Variants in MTERF4 observed in about 807,000 individuals in gnomAD.
The protein encoded by MTERF4 is transcription termination factor 4, mitochondrial.
A neutral mutation model predicts 22.5 loss-of-function variants in MTERF4; 17 were observed. That is an observed-to-expected ratio of 0.75 (90% CI 0.52 to 1.13). MTERF4 has a LOEUF of 1.13. Ranked by LOEUF, MTERF4 falls within the 50% of genes most tolerant of loss-of-function variation. MTERF4 has a pLI of 0.00. For missense variants in MTERF4, 420 were observed against 466.8 expected (o/e 0.90, Z 0.92); for synonymous variants, 165 against 175.3 (o/e 0.94, Z 0.47).
At chr2:241,056,839 C>T in the MTERF4 span, among the ~76,000 whole-genome samples, 1 of 151,952 alleles carries the variant, frequency 6.6e-6, no homozygotes, top group African/African-American at 2.4e-5. Flanking sequence ...CCTCAGCCTC[C>T]CACAGTGCTG....
chr2:241,047,035 C>T, the MTERF4 span, among the ~76,000 whole-genome samples: 1 of 150,706 alleles, frequency 6.6e-6, no homozygotes, highest in Non-Finnish European at 1.5e-5. Context: ...CCCAGCTACT[C>T]GGGAAGCTGA....
the MTERF4 span, chr2:241,063,861 C>T: frequency 8.6e-6 from 5 of 582,400 alleles, no homozygotes; most frequent in Non-Finnish European, 1.5e-5. Flanking sequence ...GGTGAGGGTG[C>T]TGGGGAGGGC....
At chr2:241,074,460 T>C (rs1419720802) in exon 5 of MTERF4, 1 of 152,108 alleles carries the variant, frequency 6.6e-6, no homozygotes, top group Non-Finnish European at 1.5e-5. Context: ...AACAAACATT[T>C]CATCAGATGA....
the MTERF4 span, among the ~76,000 whole-genome samples, chr2:241,061,568 A>G: frequency 3.9e-5 from 6 of 152,206 alleles, no homozygotes; most frequent in Non-Finnish European, 7.3e-5. Flanking sequence ...ATGGGAAAGA[A>G]TATACACAGC....
At chr2:241,078,255 C>G (rs370938655) in intron 4 of MTERF4, among the ~76,000 whole-genome samples, 1 of 151,552 alleles carries the variant, frequency 6.6e-6, no homozygotes, top group East Asian at 1.9e-4. Flanking sequence ...TGGTGGCGGG[C>G]GCCTGTAGTC....
chr2:241,048,502 T>C, the MTERF4 span: 1 of 1,540,996 alleles, frequency 6.5e-7, no homozygotes, highest in East Asian at 2.3e-5. Flanking sequence ...GGGAGGGCCT[T>C]CCTGTGGGTG....
chr2:241,088,423 C>T (rs758780251), downstream of MTERF4: 2 of 1,600,758 alleles, frequency 1.2e-6, no homozygotes, highest in South Asian at 1.1e-5. Context: ...GCTGCTCCCG[C>T]CCCACTACCA....
At chr2:241,053,079 C>G in the MTERF4 span, 1 of 1,428,590 alleles carries the variant, frequency 7.0e-7, no homozygotes, top group Non-Finnish European at 9.5e-7. Context: ...GCAGTCGGGT[C>G]GGGCAGAGGC....
At chr2:241,069,452 G>A (rs536325056), downstream of MTERF4, among the ~76,000 whole-genome samples, 8 of 152,268 alleles carry the variant, frequency 5.3e-5, no homozygotes, top group East Asian at 5.8e-4. The surrounding 1 kb of genome is among the most constrained non-coding windows in gnomAD (Gnocchi z 4.9). Context: ...GACAGTCAGC[G>A]CGCAGGGGAG....
chr2:241,057,305 GGA>G, the MTERF4 span, among the ~76,000 whole-genome samples: 2 of 150,720 alleles, frequency 1.3e-5, no homozygotes, highest in African/African-American at 4.9e-5. Flanking sequence ...CTTGAACCTC[GGA>G]GGCGGAGGTT....
the MTERF4 span, among the ~76,000 whole-genome samples, chr2:241,066,513 C>T: frequency 6.6e-6 from 1 of 152,196 alleles, no homozygotes; most frequent in Non-Finnish European, 1.5e-5. Flanking sequence ...ATGGGACTCT[C>T]ACCCAACATG....
At chr2:241,052,160 A>G in the MTERF4 span, 3 of 1,611,332 alleles carry the variant, frequency 1.9e-6, no homozygotes, top group East Asian at 4.5e-5. Flanking sequence ...CGAGATAGGT[A>G]AGGTGGGTGG....
chr2:241,069,948 C>T (rs1181062934), downstream of MTERF4: 14 of 1,612,870 alleles, frequency 8.7e-6, no homozygotes, highest in East Asian at 8.9e-5. This position sits in a 1 kb window ranked among gnomAD's most constrained non-coding sequence, Gnocchi z 4.9. Context: ...ACCTGACCGC[C>T]GCCCGAGTCA....
At chr2:241,064,868 CCT>C in the MTERF4 span, 1 of 1,589,200 alleles carries the variant, frequency 6.3e-7, no homozygotes, top group African/African-American at 1.4e-5. The surrounding 1 kb of genome is among the most constrained non-coding windows in gnomAD (Gnocchi z 7.0). Flanking sequence ...TTCTCCAGCC[CCT>C]GTGGGGGCCG....
downstream of MTERF4, chr2:241,067,688 G>C: frequency 7.7e-7 from 1 of 1,304,312 alleles, no homozygotes; most frequent in Non-Finnish European, 1.1e-6. Flanking sequence ...TCCCAAGCCT[G>C]GTTTCATCTT....
chr2:241,087,752 G>T, downstream of MTERF4: 4 of 1,221,322 alleles, frequency 3.3e-6, no homozygotes, highest in Non-Finnish European at 4.2e-6. Context: ...GCTACAATTG[G>T]GAAGCACAGG....
In MTERF4 at chr2:241,073,908, T is replaced by C. The variant is rs552631852; in HGVS notation, n.2254A>G. Reference sequence around the variant, plus strand: ...TCCCTGCAGGGCACCAAGCATCTGCTGAGCACCTGCAGTAAGAGTTCCCAG... The same window carrying C: ...TCCCTGCAGGGCACCAAGCATCTGCCGAGCACCTGCAGTAAGAGTTCCCAG... On this transcript the variant is annotated non_coding_transcript_exon_variant, in exon 5 of 5. Coordinates refer to the MTERF4 transcript ENST00000464344. This position sits in a 1 kb window ranked among gnomAD's most constrained non-coding sequence, Gnocchi z 6.6. 223 of 163,416 alleles carry C rather than the reference T, an allele frequency of 1.4e-3. No homozygotes were observed. The highest frequency in any genetic ancestry group is 3.0e-3 in the Admixed American group (48 of 16,198). 10.1% of individuals were successfully genotyped at this position (163,416 alleles called of 1,614,324 possible). A position where few individuals can be genotyped will look rare whatever the true frequency, so the allele number is the denominator to read the frequency against.
chr2:241,062,722 A>G, the MTERF4 span: 3 of 990,982 alleles, frequency 3.0e-6, no homozygotes, highest in Non-Finnish European at 4.7e-6. Context: ...CCTCAGGACT[A>G]GTTTATGTGC....
chr2:241,053,304 G>T, the MTERF4 span: 1 of 1,590,312 alleles, frequency 6.3e-7, no homozygotes. Context: ...ACGGTGTCTG[G>T]AGTGAGCCTC....
Sources: gnomAD v4.1 joint callset for allele counts (sites outside exome capture counted in the v4.1 genomes callset) on GRCh38, gnomAD v4.1.1 for gene constraint, Gnocchi (gnomAD v3.1) non-coding constraint, MANE v1.5 for transcripts, NCBI Gene and HGNC (gene_info 2026-07-23, HGNC 2026-07-21) for gene names.